The following BMERB1 variants were observed in gnomAD, a reference collection of about 807,000 sequenced individuals.
BMERB1 encodes the protein bMERB domain-containing protein 1.
A neutral mutation model predicts 23.6 loss-of-function variants in BMERB1; 12 were observed. The ratio of observed to expected loss-of-function variants is 0.51; its 90% CI spans 0.33 to 0.82. The LOEUF (loss-of-function observed/expected upper bound fraction) is 0.82. Ranked by LOEUF, BMERB1 falls within the 40% of genes least tolerant of loss-of-function variation. The probability of loss-of-function intolerance (pLI) is 0.03; values close to 1 mark genes in which losing one functional copy is unlikely to be tolerated. For synonymous variants in BMERB1, 122 were observed against 96.6 expected (o/e 1.26, Z -1.54); for missense variants, 247 against 255.4 (o/e 0.97, Z 0.22).
At chr16:15,494,139 T>C (rs550345759) in intron 1 of BMERB1, among the ~76,000 whole-genome samples, 1 of 152,292 alleles carries the variant, frequency 6.6e-6, no homozygotes, top group East Asian at 1.9e-4. Context: ...TCAGAACAAA[T>C]GGACCTTGAG....
chr16:15,462,273 C>T (rs1448978439), intron 1 of BMERB1, among the ~76,000 whole-genome samples: 1 of 150,950 alleles, frequency 6.6e-6, no homozygotes, highest in Non-Finnish European at 1.5e-5. Context: ...AGCCTCAGCC[C>T]CCTGAGAAGC....
rs1567509977 is a variant in BMERB1 at position 15,587,845 on chromosome 16, T to TACAC, written c.*1016_*1017insACAC. The TACAC allele has an allele frequency of 4.7e-6, 1 of 214,086 alleles. No homozygotes were observed. The highest frequency in any genetic ancestry group is 1.4e-4 in the East Asian group (1 of 6,936). The allele number at this position is 214,086 out of a possible 1,614,324, so 13.3% of individuals were successfully genotyped here. On this transcript the variant is annotated 3_prime_UTR_variant, in exon 6 of 6. Transcript: ENST00000300006. The stretch of plus-strand genomic sequence containing the variant: ...TTGCAACAGCCAGCCCGGTACAGCC[T>TACAC]GTGTGACTTCTCTGTATGTGTGTGT...
chr16:15,459,668 A>G (rs1048824826), intron 1 of BMERB1, among the ~76,000 whole-genome samples: 1 of 152,230 alleles, frequency 6.6e-6, no homozygotes, highest in Admixed American at 6.5e-5. Context: ...TGTAAATTAC[A>G]GTGTGTTTTC....
intron 2 of BMERB1, among the ~76,000 whole-genome samples, chr16:15,528,329 C>G (rs1011414813): frequency 1.3e-5 from 2 of 152,140 alleles, no homozygotes; most frequent in Admixed American, 6.5e-5. Context: ...TGAACTTGCT[C>G]TCTCGAGCAC....
At chr16:15,550,107 T>C (rs2030042021) in intron 2 of BMERB1, among the ~76,000 whole-genome samples, 1 of 151,180 alleles carries the variant, frequency 6.6e-6, no homozygotes, top group Non-Finnish European at 1.5e-5. Context: ...CTACCACCAT[T>C]TTTTGTGTTT....
At chr16:15,563,623 G>C (rs1211558458) in intron 2 of BMERB1, among the ~76,000 whole-genome samples, 1 of 152,156 alleles carries the variant, frequency 6.6e-6, no homozygotes, top group East Asian at 1.9e-4. Context: ...GCATGGCTGG[G>C]GAGGCCTCAG....
rs181169473 is a variant in BMERB1, at chr16:15,516,485, A to T, written c.230+1057A>T. Among the ~76,000 whole-genome samples, 325 of 152,268 alleles carry T rather than the reference A, an allele frequency of 2.1e-3. 2 individuals are homozygous for T. Among genetic ancestry groups the T allele is most frequent in the Non-Finnish European group, 2.2e-3 (153 of 68,020 alleles). ...CAAATTAAAATGAAAAAGTTTTTTT[A>T]AAAATTGGGCTTTTGCCGACAAACA... On this transcript the variant is annotated intron_variant, in intron 2 of 5. Coordinates refer to ENST00000300006, the MANE Select transcript of BMERB1 (RefSeq NM_033201.3).
intron 1 of BMERB1, among the ~76,000 whole-genome samples, chr16:15,486,241 C>T (rs1040864254): frequency 3.4e-5 from 5 of 149,184 alleles, no homozygotes; most frequent in East Asian, 2.0e-4. Flanking sequence ...TGCTCTTAAT[C>T]GGGTTACGTT....
chr16:15,577,925 A>G (rs1212225261), intron 3 of BMERB1, among the ~76,000 whole-genome samples: 1 of 152,212 alleles, frequency 6.6e-6, no homozygotes, highest in Non-Finnish European at 1.5e-5. Context: ...TCTCATCGGG[A>G]AACCGCTGAT....
intron 2 of BMERB1, among the ~76,000 whole-genome samples, chr16:15,560,827 A>T (rs2030395695): frequency 6.6e-6 from 1 of 151,908 alleles, no homozygotes; most frequent in African/African-American, 2.4e-5. Context: ...AAATAAAAAT[A>T]AAAACTTTTA....
intron 1 of BMERB1, among the ~76,000 whole-genome samples, chr16:15,478,712 A>C (rs2051293301): frequency 6.6e-6 from 1 of 152,208 alleles, no homozygotes; most frequent in Non-Finnish European, 1.5e-5. Context: ...GCACCTTAGC[A>C]CAAGAAGGCA....
intron 1 of BMERB1, among the ~76,000 whole-genome samples, chr16:15,452,664 G>C (rs1019737933): frequency 2.0e-5 from 3 of 152,154 alleles, no homozygotes; most frequent in African/African-American, 7.2e-5. Flanking sequence ...GTGTCCTAAG[G>C]CCTCCTGCCA....
At position 15,512,593 on chromosome 16, in the gene BMERB1, A is replaced by G. The variant is rs180918407; in HGVS notation, c.107-2712A>G. 1.8e-3 allele frequency among the ~76,000 whole-genome samples: 276 copies of G among 152,124 alleles called. 1 individual carries two copies. Among genetic ancestry groups the G allele is most frequent in the African/African-American group, 6.5e-3 (269 of 41,500 alleles). ...GACCTCATCTCTACAAAAAGAAAAA[A>G]GAAGACCTGGTGTGGTGGCTCACAC... On this transcript the variant is annotated intron_variant, in intron 1 of 5. Transcript: ENST00000300006.
intron 3 of BMERB1, among the ~76,000 whole-genome samples, chr16:15,572,169 C>T (rs1377177497): frequency 6.6e-6 from 1 of 152,180 alleles, no homozygotes; most frequent in African/African-American, 2.4e-5. Context: ...AGGTGAACTT[C>T]GTGAAAGTTC....
At chr16:15,460,676 A>G (rs2051126654) in intron 1 of BMERB1, among the ~76,000 whole-genome samples, 1 of 152,200 alleles carries the variant, frequency 6.6e-6, no homozygotes, top group Non-Finnish European at 1.5e-5. Context: ...CAACACATCC[A>G]CACATATTGG....
At chr16:15,465,122 T>TAC (rs1159885784) in intron 1 of BMERB1, among the ~76,000 whole-genome samples, 1 of 151,714 alleles carries the variant, frequency 6.6e-6, no homozygotes, top group African/African-American at 2.4e-5. Context: ...CACACACACA[T>TAC]ACACACACAC....
chr16:15,441,267 A>G (rs1386698685), intron 1 of BMERB1, among the ~76,000 whole-genome samples: 3 of 152,050 alleles, frequency 2.0e-5, no homozygotes, highest in Non-Finnish European at 2.9e-5. Context: ...CACCCAGGAT[A>G]GAGTGCTGTG....
chr16:15,556,646 T>G (rs2030267296), intron 2 of BMERB1, among the ~76,000 whole-genome samples: 1 of 152,090 alleles, frequency 6.6e-6, no homozygotes, highest in Non-Finnish European at 1.5e-5. Context: ...AGTGCAGTGG[T>G]GCAATCTCGG....
At chr16:15,506,556 T>C (rs1329371453) in intron 1 of BMERB1, among the ~76,000 whole-genome samples, 10 of 152,120 alleles carry the variant, frequency 6.6e-5, no homozygotes, top group Admixed American at 6.6e-4. Context: ...GCCTTCCAGA[T>C]AGTATTAAGG....
Sources: gnomAD v4.1 joint callset for allele counts (sites outside exome capture counted in the v4.1 genomes callset) on GRCh38, gnomAD v4.1.1 for gene constraint, MANE v1.5 for transcripts, NCBI Gene and HGNC (gene_info 2026-07-23, HGNC 2026-07-21) for gene names.